The following SMARCAD1 variants were observed in gnomAD, a reference collection of about 807,000 sequenced individuals.
SMARCAD1 encodes SWI/SNF-related matrix-associated actin-dependent regulator of chromatin subfamily A containing DEAD/H box 1.
Under a neutral mutation model 127.1 loss-of-function variants are expected in SMARCAD1, and 25 were observed. The ratio of observed to expected loss-of-function variants is 0.20; its 90% CI spans 0.14 to 0.27. The LOEUF (loss-of-function observed/expected upper bound fraction) is 0.27. Among genes scored for constraint, SMARCAD1 ranks in the 10% least tolerant of loss-of-function variants. The pLI is 1.00. For synonymous variants in SMARCAD1, 400 were observed against 396.9 expected, an observed-to-expected ratio of 1.01 and a Z score of -0.09; for missense variants, 807 against 1,206.0, an observed-to-expected ratio of 0.67 and a Z score of 4.90.
intron 2 of SMARCAD1, among the ~76,000 whole-genome samples, chr4:94,213,710 A>G (rs995112693): frequency 5.9e-5 from 9 of 152,300 alleles, no homozygotes; most frequent in South Asian, 4.1e-4. Flanking sequence ...GGATTTACAG[A>G]TAACTCAAAT....
Position 94,264,589 on chromosome 4 carries a change from A to G in SMARCAD1, c.1282-118A>G, listed in dbSNP as rs1751467323. 8.9e-6 allele frequency: 7 copies of G among 786,694 alleles called. No individual in the cohort carries two copies. The South Asian group carries it at 1.1e-4, about 12-fold the overall frequency. The allele number at this position is 786,694 out of a possible 1,614,324, so 48.7% of individuals were successfully genotyped here. A position where few individuals can be genotyped will look rare whatever the true frequency, so the allele number is the denominator to read the frequency against. On this transcript the variant is annotated intron_variant, in intron 9 of 23. Transcript: ENST00000354268. ...AATCAGGTTCTCTTAGTAGTTGACT[A>G]TAAGCTCATTAAGTAAAAGTTTAAA...
chr4:94,266,369 C>G (rs1751728726), intron 10 of SMARCAD1, among the ~76,000 whole-genome samples: 2 of 152,136 alleles, frequency 1.3e-5, no homozygotes, highest in Admixed American at 6.5e-5. Context: ...AGGTAATAAA[C>G]TATCCTTTCC....
At chr4:94,213,300 T>C (rs767116321) in intron 2 of SMARCAD1, 16 of 349,614 alleles carry the variant, frequency 4.6e-5, no homozygotes, top group East Asian at 4.5e-4. Flanking sequence ...CACAGAGATA[T>C]GACCTTTGGA....
chr4:94,213,168 G>A (rs1030337580), intron 2 of SMARCAD1: 5 of 1,187,876 alleles, frequency 4.2e-6, no homozygotes, highest in Non-Finnish European at 4.4e-6. Context: ...TAAATATATA[G>A]TTAAAATAGT....
At chr4:94,247,205 A>G (rs1748569021) in intron 6 of SMARCAD1, among the ~76,000 whole-genome samples, 2 of 152,176 alleles carry the variant, frequency 1.3e-5, no homozygotes, top group South Asian at 4.1e-4. Flanking sequence ...CAGGGAACTG[A>G]TATAGTATGG....
intron 14 of SMARCAD1, 76 bp downstream of exon 14, chr4:94,275,041 A>G (rs528440795): frequency 5.9e-6 from 6 of 1,020,680 alleles, no homozygotes; most frequent in East Asian, 2.4e-5. Flanking sequence ...TAGTAGTACT[A>G]TGTAGGAAAG....
chr4:94,219,045 C>T (rs1743666451), intron 2 of SMARCAD1, among the ~76,000 whole-genome samples: 1 of 152,174 alleles, frequency 6.6e-6, no homozygotes, highest in Admixed American at 6.5e-5. Context: ...CTCCTGACCT[C>T]AAGTGATCTG....
chr4:94,262,384 C>T (rs1380526156), intron 9 of SMARCAD1, among the ~76,000 whole-genome samples: 6 of 152,302 alleles, frequency 3.9e-5, no homozygotes, highest in African/African-American at 1.4e-4. Flanking sequence ...GGTTCTACCT[C>T]CTGAAGATCG....
chr4:94,243,111 C>T (rs1344678143), intron 6 of SMARCAD1, among the ~76,000 whole-genome samples: 2 of 152,128 alleles, frequency 1.3e-5, no homozygotes, highest in Non-Finnish European at 2.9e-5. Context: ...CGTGTGCCAC[C>T]ATGCTCAGTT....
intron 2 of SMARCAD1, among the ~76,000 whole-genome samples, chr4:94,225,735 AGAG>A (rs1361304070): frequency 6.6e-6 from 1 of 152,214 alleles, no homozygotes; most frequent in Non-Finnish European, 1.5e-5. Flanking sequence ...CTGTATTTAC[AGAG>A]GAGGAAATTA....
At chr4:94,271,879 A>C (rs1408664683) in intron 11 of SMARCAD1, among the ~76,000 whole-genome samples, 1 of 152,226 alleles carries the variant, frequency 6.6e-6, no homozygotes, top group Admixed American at 6.5e-5. Flanking sequence ...CAAATGAGGT[A>C]TATATTATGT....
intron 21 of SMARCAD1, among the ~76,000 whole-genome samples, 198 bp from the exon 22 acceptor site, chr4:94,282,922 AG>A (rs763191790): frequency 6.6e-6 from 1 of 152,160 alleles, no homozygotes; most frequent in Non-Finnish European, 1.5e-5. Flanking sequence ...AAGAGTTGGT[AG>A]GGGTAGCAAT....
At chr4:94,262,941 A>G (rs917394799) in intron 9 of SMARCAD1, among the ~76,000 whole-genome samples, 2 of 151,796 alleles carry the variant, frequency 1.3e-5, no homozygotes, top group African/African-American at 4.8e-5. Context: ...TTACAGAAAA[A>G]AAAAAGTGTA....
At chr4:94,253,163 T>G (rs1035979247) in intron 9 of SMARCAD1, 156 bp downstream of exon 9, 3 of 1,514,366 alleles carry the variant, frequency 2.0e-6, no homozygotes, top group Admixed American at 3.7e-5. Flanking sequence ...CAATAGTATT[T>G]CAAATAGTGT....
chr4:94,209,130 G>T (rs1578960752), intron 2 of SMARCAD1, among the ~76,000 whole-genome samples: 2 of 152,162 alleles, frequency 1.3e-5, no homozygotes, highest in South Asian at 4.1e-4. Context: ...AACCTCATCA[G>T]CAGATTGTCA....
chr4:94,246,495 A>G (rs1449994702), intron 6 of SMARCAD1, among the ~76,000 whole-genome samples: 1 of 152,178 alleles, frequency 6.6e-6, no homozygotes. Flanking sequence ...TCTTGCCTCC[A>G]GTGTGCAGTG....
chr4:94,237,075 A>AT, intron 5 of SMARCAD1, 57 bp downstream of exon 5: 1 of 1,313,880 alleles, frequency 7.6e-7, no homozygotes, highest in Non-Finnish European at 1.1e-6. Context: ...TAATAATAGT[A>AT]CCTTCTCATT....
At position 94,274,835 on chromosome 4, in the gene SMARCAD1, A is replaced by T. The variant is rs532108374; in HGVS notation, c.1732+38A>T. The T allele has an allele frequency of 4.3e-5, 70 of 1,610,214 alleles. No homozygotes were observed. The South Asian group carries it at 7.3e-4, about 17-fold the overall frequency. The stretch of plus-strand genomic sequence containing the variant: ...CATTCTGCTTTTAACTTTGGAAATT[A>T]AAAATAAAGTACAGCACAATAAATA... On this transcript the variant is annotated intron_variant, in intron 13 of 23. Transcript: ENST00000354268.
At chr4:94,216,470 C>T (rs775057697) in intron 2 of SMARCAD1, among the ~76,000 whole-genome samples, 3 of 152,122 alleles carry the variant, frequency 2.0e-5, no homozygotes, top group Non-Finnish European at 4.4e-5. Flanking sequence ...ATAAAATACA[C>T]ATAAGAAAAT....
Sources: allele counts gnomAD v4.1 joint callset (sites outside exome capture counted in the v4.1 genomes callset), GRCh38; gene constraint gnomAD v4.1.1; transcripts MANE v1.5; gene names NCBI Gene and HGNC (gene_info 2026-07-23, HGNC 2026-07-21).